Variants in ZNF710 observed in about 807,000 individuals in gnomAD.
ZNF710 encodes the protein zinc finger protein 710.
In ZNF710, 13 loss-of-function variants were observed where a neutral mutation model predicts 50.6. The observed-to-expected ratio is 0.26, with a 90% CI of 0.17 to 0.41. The LOEUF (loss-of-function observed/expected upper bound fraction) is 0.41. Among genes scored for constraint, ZNF710 ranks in the 10% least tolerant of loss-of-function variants. The probability of loss-of-function intolerance (pLI) is 1.00; values close to 1 mark genes in which losing one functional copy is unlikely to be tolerated. For missense variants in ZNF710, 721 were observed against 936.6 expected (o/e 0.77, Z 3.01); for synonymous variants, 383 against 397.0 (o/e 0.96, Z 0.42).
rs1898852006 is a variant in ZNF710 at position 90,028,842 on chromosome 15, T to A, written c.-29+27228T>A. ...GCAAGATGGAAAATTGCTTGTGGCA[T>A]CCAGATAAGGGAAAACAAGTAGGAC... is the stretch of plus-strand genomic sequence containing the variant. On this transcript the variant is annotated intron_variant, in intron 1 of 4. Coordinates refer to ENST00000268154, the MANE Select transcript of ZNF710 (RefSeq NM_198526.4). Among the ~76,000 whole-genome samples the A allele has an allele frequency of 2.0e-5, 3 of 152,084 alleles. No individual in the cohort carries two copies. The South Asian group carries it at 6.2e-4, about 32-fold the overall frequency.
chr15:90,054,153 G>A (rs950406539), intron 1 of ZNF710, among the ~76,000 whole-genome samples: 3 of 152,214 alleles, frequency 2.0e-5, no homozygotes, highest in African/African-American at 7.2e-5. Context: ...GCAAAGGACA[G>A]AGGGGGATTT....
chr15:90,071,957 A>C (rs1200643258), intron 2 of ZNF710, among the ~76,000 whole-genome samples: 6 of 152,160 alleles, frequency 3.9e-5, no homozygotes, highest in East Asian at 3.9e-4. Context: ...TACAGGCATG[A>C]GCCACCGTGC....
chr15:90,052,508 G>C (rs1567234653), intron 1 of ZNF710, among the ~76,000 whole-genome samples: 1 of 152,228 alleles, frequency 6.6e-6, no homozygotes, highest in Non-Finnish European at 1.5e-5. Context: ...AGGAAGAAGA[G>C]GAGTAAATGG....
chr15:90,039,009 T>G (rs1228398080), intron 1 of ZNF710, among the ~76,000 whole-genome samples: 2 of 152,096 alleles, frequency 1.3e-5, no homozygotes, highest in African/African-American at 4.8e-5. Context: ...CCAGGTGAGG[T>G]GGCTCACGCC....
chr15:90,012,455 A>T (rs1183862401), intron 1 of ZNF710, among the ~76,000 whole-genome samples: 5 of 151,970 alleles, frequency 3.3e-5, no homozygotes, highest in Admixed American at 1.3e-4. Flanking sequence ...TATTTTTAGT[A>T]GAGACGGGGT....
chr15:90,003,073 A>G (rs1898055330), intron 1 of ZNF710, among the ~76,000 whole-genome samples: 1 of 152,116 alleles, frequency 6.6e-6, no homozygotes, highest in Non-Finnish European at 1.5e-5. Context: ...ACGGGGTTTC[A>G]CCATATTGGC....
At chr15:90,014,996 G>A (rs1002608938) in intron 1 of ZNF710, among the ~76,000 whole-genome samples, 4 of 151,332 alleles carry the variant, frequency 2.6e-5, no homozygotes, top group Admixed American at 2.6e-4. Context: ...AGGTTCAAGC[G>A]ATTCTCCTGC....
rs1224383010 is a variant in ZNF710, at chr15:90,033,773, C to T, written c.-29+32159C>T. On this transcript the variant is annotated intron_variant, in intron 1 of 4. Coordinates refer to ENST00000268154, the MANE Select transcript of ZNF710 (RefSeq NM_198526.4). ...TGGTCACAGAGCCTGGGGAGAAACT[C>T]CTTGATTCAAGGCAGAGCAAGGTGG... Among the ~76,000 whole-genome samples the T allele has an allele frequency of 2.6e-5, 4 of 152,204 alleles. No homozygotes were observed. In the East Asian group the frequency reaches 7.7e-4, roughly 29 times the overall value.
chr15:90,010,502 C>G (rs971935259), intron 1 of ZNF710, among the ~76,000 whole-genome samples: 1 of 151,992 alleles, frequency 6.6e-6, no homozygotes, highest in African/African-American at 2.4e-5. Flanking sequence ...TTCCATGTTG[C>G]CCAGGCTGGT....
At position 90,015,415 on chromosome 15, in the gene ZNF710, G is replaced by A. The variant is rs552046932; in HGVS notation, c.-29+13801G>A. Among the ~76,000 whole-genome samples the A allele has an allele frequency of 2.0e-4, 30 of 152,138 alleles. No homozygotes were observed. In the East Asian group the frequency reaches 4.8e-3, roughly 24 times the overall value. On this transcript the variant is annotated intron_variant, in intron 1 of 4. Transcript: ENST00000268154. ...ATAGTTATTAAAATTAAAAGTGCAC[G>A]GGCAATTTCTCTTTTGGAAATTTCT...
intron 1 of ZNF710, among the ~76,000 whole-genome samples, chr15:90,019,933 G>C (rs1201720238): frequency 1.3e-5 from 2 of 152,186 alleles, no homozygotes; most frequent in African/African-American, 4.8e-5. Context: ...CTAATCCAGA[G>C]ACTAGGTTGG....
intron 1 of ZNF710, among the ~76,000 whole-genome samples, chr15:90,035,176 C>T (rs534533430): frequency 2.0e-5 from 3 of 152,348 alleles, no homozygotes; most frequent in East Asian, 1.9e-4. Context: ...CACCACTTCA[C>T]GTGGGGACCT....
intron 1 of ZNF710, among the ~76,000 whole-genome samples, chr15:90,032,914 GA>G (rs370156779): frequency 2.0e-5 from 3 of 150,980 alleles, no homozygotes; most frequent in East Asian, 1.9e-4. Context: ...TCTAAAAAAA[GA>G]AAAAAAAAGT....
intron 1 of ZNF710, among the ~76,000 whole-genome samples, chr15:90,038,359 G>T (rs753382068): frequency 6.6e-6 from 1 of 152,122 alleles, no homozygotes; most frequent in Non-Finnish European, 1.5e-5. Flanking sequence ...AAGAACCTTC[G>T]TCCAGATTCA....
intron 2 of ZNF710, among the ~76,000 whole-genome samples, chr15:90,071,519 A>G (rs1425908328): frequency 6.6e-6 from 1 of 152,158 alleles, no homozygotes; most frequent in Non-Finnish European, 1.5e-5. Context: ...CACGGGAACC[A>G]TTAAGTTATA....
At chr15:90,076,093 A>C (rs1056285278) in intron 4 of ZNF710, 4 of 152,206 alleles carry the variant, frequency 2.6e-5, no homozygotes, top group African/African-American at 9.7e-5. Flanking sequence ...ACAAGTTCCC[A>C]GTTCTTAGCA....
At chr15:90,057,690 A>AAATAATAAT (rs71151550) in intron 1 of ZNF710, among the ~76,000 whole-genome samples, 17,319 of 139,324 alleles carry the variant, frequency 0.12, 1,318 homozygotes, top group African/African-American at 0.21. Flanking sequence ...GAGCAAGACT[A>AAATAATAAT]AATAATAATA....
chr15:90,041,099 T>C (rs1211712639), intron 1 of ZNF710, among the ~76,000 whole-genome samples: 1 of 152,220 alleles, frequency 6.6e-6, no homozygotes, highest in African/African-American at 2.4e-5. Flanking sequence ...TAGGAAAACA[T>C]CTATTGGATG....
chr15:90,000,766 C>G (rs996510575), upstream of ZNF710, among the ~76,000 whole-genome samples: 1 of 152,182 alleles, frequency 6.6e-6, no homozygotes, highest in Non-Finnish European at 1.5e-5. Context: ...GGCCCTCGCT[C>G]GCACTTGGGA....
Sources: gnomAD v4.1 joint callset for allele counts (sites outside exome capture counted in the v4.1 genomes callset) on GRCh38, gnomAD v4.1.1 for gene constraint, MANE v1.5 for transcripts, NCBI Gene and HGNC (gene_info 2026-07-23, HGNC 2026-07-21) for gene names.